Variants in DTNB observed in about 807,000 individuals in gnomAD.
DTNB encodes the protein dystrobrevin beta.
Under a neutral mutation model 90.7 loss-of-function variants are expected in DTNB, and 63 were observed. That is an observed-to-expected ratio of 0.69 (90% CI 0.57 to 0.86). The LOEUF (loss-of-function observed/expected upper bound fraction) is 0.86, where lower values mean the gene tolerates loss of function less well. Ranked by LOEUF, DTNB falls within the 40% of genes least tolerant of loss-of-function variation. The probability of loss-of-function intolerance (pLI) is 0.00; values close to 1 mark genes in which losing one functional copy is unlikely to be tolerated. For missense variants in DTNB, 744 were observed against 807.1 expected (o/e 0.92, Z 0.95); for synonymous variants, 277 against 286.7 (o/e 0.97, Z 0.34).
At position 25,582,463 on chromosome 2, in the gene DTNB, G is replaced by A. The variant is rs188575796; in HGVS notation, c.604-1637C>T. On this transcript the variant is annotated intron_variant, in intron 6 of 20. Coordinates refer to ENST00000406818, the MANE Select transcript of DTNB (RefSeq NM_021907.5). ...ACTGCTTAATGGGGAATAGAAAAGG[G>A]AGGTAGAGTAGAAGGCACAGCAGGA... Among the ~76,000 whole-genome samples, 22 of 152,264 alleles carry A rather than the reference G, an allele frequency of 1.4e-4. No individual in the cohort carries two copies. In the East Asian group the frequency reaches 4.0e-3, roughly 28 times the overall value.
intron 9 of DTNB, among the ~76,000 whole-genome samples, chr2:25,502,810 C>T (rs2071086328): frequency 1.3e-5 from 2 of 149,978 alleles, no homozygotes; most frequent in Admixed American, 1.3e-4. Flanking sequence ...GGCATGAACC[C>T]AGGACGCAGA....
chr2:25,459,540 C>T (rs1022083032), intron 10 of DTNB, among the ~76,000 whole-genome samples: 1 of 152,198 alleles, frequency 6.6e-6, no homozygotes, highest in South Asian at 2.1e-4. Context: ...GTTGCCCAGG[C>T]TGGAGCGCAG....
At chr2:25,492,112 G>C (rs935055366) in intron 9 of DTNB, among the ~76,000 whole-genome samples, 3 of 152,082 alleles carry the variant, frequency 2.0e-5, no homozygotes, top group Admixed American at 2.0e-4. Context: ...ACAGCATGAC[G>C]TTAGATCATA....
chr2:25,413,314 G>C (rs898024291), intron 16 of DTNB, among the ~76,000 whole-genome samples: 3 of 150,414 alleles, frequency 2.0e-5, no homozygotes, highest in African/African-American at 7.4e-5. Flanking sequence ...TGTGCACAAC[G>C]TGCAGGTTTG....
At chr2:25,470,851 A>AT (rs2062666540) in intron 10 of DTNB, among the ~76,000 whole-genome samples, 1 of 152,174 alleles carries the variant, frequency 6.6e-6, no homozygotes, top group Non-Finnish European at 1.5e-5. Context: ...CACACCATAA[A>AT]TAATTCTCAG....
At chr2:25,435,762 T>C (rs1403717495) in intron 12 of DTNB, among the ~76,000 whole-genome samples, 1 of 152,216 alleles carries the variant, frequency 6.6e-6, no homozygotes, top group African/African-American at 2.4e-5. Flanking sequence ...AATTACTGGG[T>C]CATATGGTAA....
At chr2:25,413,014 T>G (rs958138605) in intron 16 of DTNB, among the ~76,000 whole-genome samples, 5 of 152,240 alleles carry the variant, frequency 3.3e-5, no homozygotes, top group African/African-American at 1.2e-4. Context: ...GGGCTTTTAC[T>G]GAGCAATATT....
intron 9 of DTNB, among the ~76,000 whole-genome samples, chr2:25,494,839 A>G (rs997710267): frequency 2.6e-5 from 4 of 151,910 alleles, no homozygotes; most frequent in African/African-American, 9.7e-5. Flanking sequence ...TATGACTGGT[A>G]TTCCTCCCGG....
chr2:25,444,859 A>G (rs556506650), intron 12 of DTNB, among the ~76,000 whole-genome samples: 3 of 152,358 alleles, frequency 2.0e-5, no homozygotes, highest in Non-Finnish European at 4.4e-5. Context: ...TTAGAGGATT[A>G]GGAGTTTCTG....
At chr2:25,503,053 C>CAAAAAAAAAAAAAA (rs58871909) in intron 9 of DTNB, among the ~76,000 whole-genome samples, 1 of 15,358 alleles carries the variant, frequency 6.5e-5, no homozygotes, top group African/African-American at 1.8e-4. Context: ...GACCCTATCT[C>CAAAAAAAAAAAAAA]AAAAAAAAAA....
At chr2:25,552,456 T>C (rs2056465679) in intron 8 of DTNB, among the ~76,000 whole-genome samples, 1 of 152,194 alleles carries the variant, frequency 6.6e-6, no homozygotes, top group Non-Finnish European at 1.5e-5. Flanking sequence ...TCCATCACCA[T>C]GCTACACTTC....
At chr2:25,483,272 C>G (rs1450234292) in intron 9 of DTNB, among the ~76,000 whole-genome samples, 1 of 152,122 alleles carries the variant, frequency 6.6e-6, no homozygotes, top group South Asian at 2.1e-4. Context: ...GTGAATTTCT[C>G]TACATTTTAC....
chr2:25,534,310 G>C (rs1192971618), intron 8 of DTNB, among the ~76,000 whole-genome samples: 1 of 152,204 alleles, frequency 6.6e-6, no homozygotes, highest in African/African-American at 2.4e-5. Flanking sequence ...TCAGAGAGCA[G>C]GGGGTTGGGG....
chr2:25,541,010 C>T (rs1043170840), intron 8 of DTNB, among the ~76,000 whole-genome samples: 71 of 143,766 alleles, frequency 4.9e-4, no homozygotes, highest in Non-Finnish European at 9.3e-4. Context: ...TCTCCCTCTG[C>T]GAGAAACACC....
At chr2:25,667,360 G>A (rs545273148) in intron 1 of DTNB, among the ~76,000 whole-genome samples, 7 of 152,006 alleles carry the variant, frequency 4.6e-5, no homozygotes, top group South Asian at 2.1e-4. Flanking sequence ...GTGGTGGCGG[G>A]TGCCTATAAT....
intron 9 of DTNB, 94 bp downstream of exon 9, chr2:25,531,379 G>A: frequency 6.7e-7 from 1 of 1,497,018 alleles, no homozygotes; most frequent in South Asian, 1.4e-5. Context: ...GAAGTTGAAT[G>A]GTCATGTTAA....
intron 8 of DTNB, among the ~76,000 whole-genome samples, chr2:25,543,190 G>A (rs955605736): frequency 4.0e-5 from 6 of 151,840 alleles, no homozygotes; most frequent in Non-Finnish European, 8.8e-5. Flanking sequence ...CAACAAATTT[G>A]TTTTGATTAG....
At position 25,388,369 on chromosome 2, in the gene DTNB, T is replaced by C; in HGVS notation, c.1576-8A>G. 1 of 1,591,582 alleles carries C rather than the reference T, an allele frequency of 6.3e-7. No individual in the cohort carries two copies. ...TGACCCTGTGGCCTGAGCCTGGAGA[T>C]TCAAAGACAGAAAATACGTTATCTC... On this transcript the variant is annotated splice_polypyrimidine_tract_variant and splice_region_variant and intron_variant, in intron 16 of 20. Coordinates refer to ENST00000406818, the MANE Select transcript of DTNB (RefSeq NM_021907.5).
chr2:25,482,717 C>A, intron 10 of DTNB, 79 bp downstream of exon 10: 1 of 1,437,796 alleles, frequency 7.0e-7, no homozygotes. Flanking sequence ...ACCTGCTTTT[C>A]AGGCCTCATT....
Sources: gnomAD v4.1 joint callset for allele counts (sites outside exome capture counted in the v4.1 genomes callset) on GRCh38, gnomAD v4.1.1 for gene constraint, MANE v1.5 for transcripts, NCBI Gene and HGNC (gene_info 2026-07-23, HGNC 2026-07-21) for gene names.